Variants in FAT3 observed in about 807,000 individuals in gnomAD.
FAT3 encodes the protein FAT atypical cadherin 3, also known as protocadherin Fat 3.
A neutral mutation model predicts 310.2 loss-of-function variants in FAT3; 95 were observed. The ratio of observed to expected loss-of-function variants is 0.31; its 90% confidence interval spans 0.26 to 0.36. The LOEUF (loss-of-function observed/expected upper bound fraction) is 0.36. FAT3 is among the 10% of genes least tolerant of loss of function. The pLI is 1.00. For synonymous variants in FAT3, 2,314 were observed against 2,192.9 expected, an observed-to-expected ratio of 1.06 and a Z score of -1.54; for missense variants, 5,408 against 5,715.6, an observed-to-expected ratio of 0.95 and a Z score of 1.74.
chr11:92,321,859 A>T (rs1026391784), intron 1 of FAT3, among the ~76,000 whole-genome samples: 2 of 152,156 alleles, frequency 1.3e-5, no homozygotes, highest in African/African-American at 4.8e-5. Context: ...GTTTTTCGTA[A>T]ACTCCTATTT....
Position 92,831,790 on chromosome 11 carries a change from C to T in FAT3, c.9650C>T (p.Ser3217Phe), listed in dbSNP as rs1299764694. The T allele has an allele frequency of 6.2e-7, 1 of 1,613,536 alleles. No individual in the cohort carries two copies. The highest frequency in any genetic ancestry group is 1.1e-5 in the South Asian group (1 of 90,916). ...GACCAGAGTCCTGGACAGTCCCTGT[C>T]CTCTCTCACTACTGTCACCATCACC... The part of the protein sequence containing the change: ...ATDQSPGQSL[S>F]SLTTVTITVL... Residue 3217 changes from serine to phenylalanine, a missense_variant, in exon 14 of 28, where the codon TCC becomes TTC. Physicochemically the swap from Ser to Phe is radical, Grantham distance 155. Transcript: ENST00000525166.
intron 3 of FAT3, among the ~76,000 whole-genome samples, chr11:92,634,265 T>C (rs1197736480): frequency 3.9e-5 from 6 of 152,218 alleles, no homozygotes; most frequent in Non-Finnish European, 8.8e-5. Context: ...CCCAGCCTAT[T>C]CTTTATAGCT....
intron 2 of FAT3, among the ~76,000 whole-genome samples, chr11:92,357,779 A>T (rs962637426): frequency 3.3e-5 from 5 of 152,084 alleles, no homozygotes; most frequent in Non-Finnish European, 7.4e-5. Flanking sequence ...ATTTTCCCAC[A>T]GGTAACTTGC....
At position 92,384,170 on chromosome 11, in the gene FAT3, A is replaced by AT. The variant is rs527332830; in HGVS notation, c.3292+28774dup. 1.4e-4 allele frequency among the ~76,000 whole-genome samples: 21 copies of AT among 151,962 alleles called. No homozygotes were observed. The South Asian group carries it at 3.7e-3, about 27-fold the overall frequency. ...GGTGGTCATTCACCCTCAAGCAGTG[A>AT]TTTTTTTTGGGAGCAGTGCAGAGAG... On this transcript the variant is annotated intron_variant, in intron 2 of 27. Coordinates refer to ENST00000525166, the MANE Select transcript of FAT3 (RefSeq NM_001367949.2).
At chr11:92,718,168 C>T (rs894668821) in intron 4 of FAT3, among the ~76,000 whole-genome samples, 1 of 152,098 alleles carries the variant, frequency 6.6e-6, no homozygotes, top group African/African-American at 2.4e-5. Flanking sequence ...ATGATGTGGT[C>T]ACTCCCTAGT....
At chr11:92,737,579 G>T (rs1471893031) in intron 4 of FAT3, among the ~76,000 whole-genome samples, 2 of 151,808 alleles carry the variant, frequency 1.3e-5, no homozygotes, top group African/African-American at 2.4e-5. Flanking sequence ...TATTCATAAA[G>T]AAACACACAA....
chr11:92,364,426 T>C (rs1007020365), intron 2 of FAT3, among the ~76,000 whole-genome samples: 1 of 152,236 alleles, frequency 6.6e-6, no homozygotes, highest in Non-Finnish European at 1.5e-5. Context: ...CCTTCATGAC[T>C]TCAGATAGCT....
rs967401433 is a variant in FAT3, at chr11:92,778,149, C to G, written c.4335+3969C>G. Among the ~76,000 whole-genome samples the G allele has an allele frequency of 2.0e-5, 3 of 152,238 alleles. No homozygotes were observed. The East Asian group carries it at 5.8e-4, about 30-fold the overall frequency. On this transcript the variant is annotated intron_variant, in intron 7 of 27. Transcript: ENST00000525166. ...TAGAATTTGTCAAGGGCTCTGTGGC[C>G]ACACCAGGCCAAAGGTATCTTAGTG...
At chr11:92,486,158 T>TTTTTTTTTTTC (rs1952389736) in intron 2 of FAT3, among the ~76,000 whole-genome samples, 1 of 138,290 alleles carries the variant, frequency 7.2e-6, no homozygotes. Flanking sequence ...TTTTTTTTTT[T>TTTTTTTTTTTC]GGTAGACTCA....
chr11:92,489,921 C>T lies in FAT3; in HGVS notation c.3293-34713C>T, dbSNP rs962343977. On this transcript the variant is annotated intron_variant, in intron 2 of 27. Coordinates refer to ENST00000525166, the MANE Select transcript of FAT3 (RefSeq NM_001367949.2). ...TTTTTTTACTTTCTCCCATGAGCAG[C>T]GAAAGAGGCAGCTCAGAAAACTAGT... 1.5e-4 allele frequency among the ~76,000 whole-genome samples: 22 copies of T among 149,298 alleles called. No homozygotes were observed. The East Asian group carries it at 1.8e-3, about 12-fold the overall frequency.
At chr11:92,857,117 G>A (rs1948999488) in intron 19 of FAT3, 97 bp from the exon 20 acceptor site, 1 of 1,574,552 alleles carries the variant, frequency 6.4e-7, no homozygotes, top group African/African-American at 1.4e-5. Context: ...CAGCTCTTGA[G>A]CCATTTGTGT....
intron 3 of FAT3, among the ~76,000 whole-genome samples, chr11:92,569,015 T>C (rs1955575489): frequency 1.3e-5 from 2 of 152,182 alleles, no homozygotes; most frequent in African/African-American, 4.8e-5. Flanking sequence ...GAATTTCAGA[T>C]ACAGCTTAAT....
In FAT3 at chr11:92,443,793, G is replaced by C. The variant is rs548955065; in HGVS notation, c.3293-80841G>C. Among the ~76,000 whole-genome samples the C allele has an allele frequency of 3.9e-5, 6 of 152,236 alleles. No individual in the cohort carries two copies. In the East Asian group the frequency reaches 5.8e-4, roughly 15 times the overall value. ...GAAGCATGAGGAGATGGTTACGAAG[G>C]AGGAGGTAGGAGGAGGAGTGAGGAG... On this transcript the variant is annotated intron_variant, in intron 2 of 27. Transcript: ENST00000525166.
intron 12 of FAT3, among the ~76,000 whole-genome samples, chr11:92,809,537 G>T (rs1323939666): frequency 6.6e-6 from 1 of 152,096 alleles, no homozygotes; most frequent in Admixed American, 6.5e-5. Context: ...ATCTTGAGAG[G>T]TTTAAAGAGG....
chr11:92,725,802 A>G (rs1282089883), intron 4 of FAT3, among the ~76,000 whole-genome samples: 2 of 152,182 alleles, frequency 1.3e-5, no homozygotes, highest in Non-Finnish European at 2.9e-5. Context: ...CTCTTTATAT[A>G]GAGACTCCTT....
intron 17 of FAT3, among the ~76,000 whole-genome samples, chr11:92,838,154 G>A (rs1340983336): frequency 6.6e-6 from 1 of 152,158 alleles, no homozygotes; most frequent in Non-Finnish European, 1.5e-5. Context: ...CTGGTAAGTG[G>A]CAGAGTCAGG....
At chr11:92,474,000 A>G (rs1383689543) in intron 2 of FAT3, among the ~76,000 whole-genome samples, 1 of 152,166 alleles carries the variant, frequency 6.6e-6, no homozygotes, top group African/African-American at 2.4e-5. Context: ...CAAACACCAC[A>G]TAGATGCCTT....
chr11:92,868,161 C>G (rs1201757360), intron 22 of FAT3, among the ~76,000 whole-genome samples: 1 of 152,188 alleles, frequency 6.6e-6, no homozygotes, highest in African/African-American at 2.4e-5. Flanking sequence ...TTAAACCTTC[C>G]TCACAAATCA....
intron 2 of FAT3, among the ~76,000 whole-genome samples, chr11:92,505,361 T>A (rs537325841): frequency 2.6e-5 from 4 of 152,160 alleles, no homozygotes; most frequent in Admixed American, 6.5e-5. Flanking sequence ...CGACTAGATA[T>A]TACACTTGAT....
Sources: gnomAD v4.1 joint callset for allele counts (sites outside exome capture counted in the v4.1 genomes callset) on GRCh38, gnomAD v4.1.1 for gene constraint, MANE v1.5 for transcripts, NCBI Gene and HGNC (gene_info 2026-07-23, HGNC 2026-07-21) for gene names.